The following GLIS3 variants were observed in gnomAD, a reference collection of about 807,000 sequenced individuals.
GLIS3 encodes the protein GLIS family zinc finger 3, also known as zinc finger protein GLIS3.
GLIS3 carries 53 observed loss-of-function variants against 78.6 expected under a neutral mutation model. That is an observed-to-expected ratio of 0.67 (90% CI 0.54 to 0.85). GLIS3 has a LOEUF of 0.85. Among genes scored for constraint, GLIS3 ranks in the 40% least tolerant of loss-of-function variants. The pLI, the probability that GLIS3 is intolerant of heterozygous loss-of-function variation, is 0.00. For missense variants in GLIS3, 1,703 were observed against 1,231.1 expected, an observed-to-expected ratio of 1.38 and a Z score of -5.74; for synonymous variants, 684 against 509.9, an observed-to-expected ratio of 1.34 and a Z score of -4.60.
chr9:3,970,654 C>T (rs574463850), intron 4 of GLIS3, among the ~76,000 whole-genome samples: 1 of 152,246 alleles, frequency 6.6e-6, no homozygotes, highest in East Asian at 1.9e-4. Flanking sequence ...AAGCCCTATC[C>T]TATAGCATGG....
intron 4 of GLIS3, among the ~76,000 whole-genome samples, chr9:3,961,039 G>A (rs973682564): frequency 1.7e-4 from 26 of 152,096 alleles, no homozygotes; most frequent in African/African-American, 5.6e-4. Flanking sequence ...ATTATTCCCC[G>A]GTTGCTATCA....
chr9:4,247,292 G>A (rs563741248), intron 2 of GLIS3, among the ~76,000 whole-genome samples: 1 of 152,106 alleles, frequency 6.6e-6, no homozygotes, highest in African/African-American at 2.4e-5. Context: ...AAGTACGGTT[G>A]TTTTAAAACA....
At chr9:4,461,741 A>C in the GLIS3 span, among the ~76,000 whole-genome samples, 1 of 152,166 alleles carries the variant, frequency 6.6e-6, no homozygotes, top group Non-Finnish European at 1.5e-5. Context: ...TCCCTCACCC[A>C]ATATCAGCAG....
At chr9:4,212,253 C>A (rs1305890558) in intron 2 of GLIS3, among the ~76,000 whole-genome samples, 2 of 152,200 alleles carry the variant, frequency 1.3e-5, no homozygotes, top group African/African-American at 4.8e-5. Context: ...TCTTTTTCCC[C>A]AATGGCTGAG....
chr9:4,032,893 G>A (rs7027275), intron 4 of GLIS3, among the ~76,000 whole-genome samples: 73,689 of 150,912 alleles, frequency 0.49, 18,213 homozygotes, highest in Non-Finnish European at 0.51. Context: ...TCGCTCTGTC[G>A]CCCAGGCTGG....
intron 2 of GLIS3, among the ~76,000 whole-genome samples, chr9:4,235,469 C>T (rs1295688717): frequency 6.6e-6 from 1 of 152,136 alleles, no homozygotes; most frequent in Admixed American, 6.5e-5. Context: ...AGTCATTCAG[C>T]CATGCTGGAA....
chr9:3,964,729 T>C (rs1817801425), intron 4 of GLIS3, among the ~76,000 whole-genome samples: 1 of 152,226 alleles, frequency 6.6e-6, no homozygotes, highest in Non-Finnish European at 1.5e-5. Context: ...AAAATTGGTA[T>C]CAGGTGAAAT....
the GLIS3 span, among the ~76,000 whole-genome samples, chr9:4,461,910 G>C: frequency 6.6e-6 from 1 of 152,182 alleles, no homozygotes; most frequent in Non-Finnish European, 1.5e-5. Context: ...AACTTAATCT[G>C]AGAATGAGAA....
the GLIS3 span, among the ~76,000 whole-genome samples, chr9:4,382,668 C>G: frequency 6.7e-3 from 1,013 of 152,264 alleles, 8 homozygotes; most frequent in African/African-American, 0.024. Context: ...CTTGTCCTAA[C>G]CTCCTGAGAC....
intron 4 of GLIS3, 105 bp from the exon 5 acceptor site, chr9:3,937,294 GATAAA>G: frequency 8.9e-7 from 1 of 1,117,458 alleles, no homozygotes; most frequent in South Asian, 1.3e-5. Flanking sequence ...TGCCGAAAAT[GATAAA>G]ATAAAATCAA....
chr9:4,092,649 T>G (rs1411426425), intron 4 of GLIS3, among the ~76,000 whole-genome samples: 1 of 152,162 alleles, frequency 6.6e-6, no homozygotes, highest in Non-Finnish European at 1.5e-5. Context: ...CCACATCTCA[T>G]CCCACTGGAG....
intron 2 of GLIS3, among the ~76,000 whole-genome samples, chr9:4,275,367 T>C (rs1826886826): frequency 6.6e-6 from 1 of 152,204 alleles, no homozygotes; most frequent in South Asian, 2.1e-4. Context: ...CAGCACCCTG[T>C]ATTCAAATAG....
At chr9:4,097,752 G>C (rs1830073734) in intron 4 of GLIS3, among the ~76,000 whole-genome samples, 1 of 152,122 alleles carries the variant, frequency 6.6e-6, no homozygotes, top group Non-Finnish European at 1.5e-5. Flanking sequence ...TCCTGACTCT[G>C]ATAAACACAG....
At chr9:4,361,874 C>G in the GLIS3 span, among the ~76,000 whole-genome samples, 3 of 152,112 alleles carry the variant, frequency 2.0e-5, no homozygotes, top group African/African-American at 7.2e-5. Context: ...AAGGGAGGGA[C>G]CTTGTAAATT....
At chr9:4,300,819 C>G (rs1275851005), upstream of GLIS3, among the ~76,000 whole-genome samples, 3 of 151,918 alleles carry the variant, frequency 2.0e-5, no homozygotes, top group Non-Finnish European at 4.4e-5. Context: ...GCCACAGATG[C>G]AAGGACTTCC....
At chr9:4,395,613 CT>C in the GLIS3 span, among the ~76,000 whole-genome samples, 1 of 152,150 alleles carries the variant, frequency 6.6e-6, no homozygotes, top group Admixed American at 6.5e-5. Context: ...GTACAAACCC[CT>C]AGTTGAGGCA....
intron 4 of GLIS3, among the ~76,000 whole-genome samples, chr9:3,967,941 C>T (rs2130909921): frequency 6.6e-6 from 1 of 152,250 alleles, no homozygotes; most frequent in Non-Finnish European, 1.5e-5. Context: ...GCAAATAATG[C>T]TTTGTTGTTT....
intron 2 of GLIS3, among the ~76,000 whole-genome samples, chr9:4,152,852 G>A (rs1228180652): frequency 1.3e-5 from 2 of 152,144 alleles, no homozygotes; most frequent in Non-Finnish European, 2.9e-5. Context: ...ACCTGTTTCT[G>A]AAGACCTAAA....
chr9:4,207,191 C>G (rs1256768025), intron 2 of GLIS3, among the ~76,000 whole-genome samples: 4 of 152,184 alleles, frequency 2.6e-5, no homozygotes, highest in African/African-American at 9.7e-5. Flanking sequence ...ACCCCACCTC[C>G]CCTCCCGACA....
Sources: gnomAD v4.1 joint callset for allele counts (sites outside exome capture counted in the v4.1 genomes callset) on GRCh38, gnomAD v4.1.1 for gene constraint, MANE v1.5 for transcripts, NCBI Gene and HGNC (gene_info 2026-07-23, HGNC 2026-07-21) for gene names.